RGS7: variants seen among roughly 807,000 people sequenced by gnomAD.
The protein encoded by RGS7 is regulator of G-protein signaling 7.
In RGS7, 27 loss-of-function variants were observed where a neutral mutation model predicts 81.1. The observed-to-expected ratio is 0.33, with a 90% CI of 0.25 to 0.46. RGS7 has a LOEUF of 0.46. Ranked by LOEUF, RGS7 falls within the 20% of genes least tolerant of loss-of-function variation. The pLI, the probability that RGS7 is intolerant of heterozygous loss-of-function variation, is 1.00. For synonymous variants in RGS7, 208 were observed against 207.7 expected (o/e 1.00, Z -0.01); for missense variants, 396 against 607.4 (o/e 0.65, Z 3.66).
chr1:241,096,031 C>T (rs1187727489), intron 3 of RGS7, among the ~76,000 whole-genome samples: 1 of 152,204 alleles, frequency 6.6e-6, no homozygotes, highest in Non-Finnish European at 1.5e-5. Context: ...CCGTGTGGAA[C>T]AGTCCATAGC....
At chr1:240,986,366 C>T (rs980172843) in intron 3 of RGS7, among the ~76,000 whole-genome samples, 8 of 152,094 alleles carry the variant, frequency 5.3e-5, no homozygotes, top group Non-Finnish European at 4.4e-5. Context: ...TCTCTTTTTC[C>T]TGTGGTGAAT....
intron 9 of RGS7, among the ~76,000 whole-genome samples, chr1:240,841,417 C>A (rs948830499): frequency 6.6e-6 from 1 of 152,194 alleles, no homozygotes; most frequent in Admixed American, 6.5e-5. Flanking sequence ...TCAGACAACA[C>A]AACTGAGCCA....
At chr1:240,784,198 C>CA (rs940673148) in intron 18 of RGS7, among the ~76,000 whole-genome samples, 8 of 116,472 alleles carry the variant, frequency 6.9e-5, no homozygotes, top group East Asian at 4.2e-4. Context: ...GAAAAAAAAA[C>CA]AAAAAAACAA....
At chr1:241,047,586 A>G (rs145626020) in intron 3 of RGS7, among the ~76,000 whole-genome samples, 121 of 152,288 alleles carry the variant, frequency 7.9e-4, no homozygotes, top group African/African-American at 2.8e-3. Context: ...TCAACAGGGA[A>G]CTTGACTTTC....
intron 3 of RGS7, among the ~76,000 whole-genome samples, chr1:241,049,969 G>A (rs900146424): frequency 3.4e-5 from 5 of 146,666 alleles, no homozygotes; most frequent in East Asian, 2.1e-4. Flanking sequence ...GAGTGCCCTC[G>A]GTACTTTTCT....
At chr1:241,229,283 C>T (rs1334014344) in intron 2 of RGS7, among the ~76,000 whole-genome samples, 1 of 152,160 alleles carries the variant, frequency 6.6e-6, no homozygotes, top group African/African-American at 2.4e-5. Context: ...TATATGCCAG[C>T]ACTTTGCAGC....
intron 2 of RGS7, among the ~76,000 whole-genome samples, chr1:241,106,752 C>CACACACACACACACACACA (rs1553421292): frequency 1.6e-5 from 2 of 121,684 alleles, no homozygotes; most frequent in Admixed American, 1.8e-4. Context: ...AACACCACCA[C>CACACACACACACACACACA]CACACACACA....
intron 14 of RGS7, among the ~76,000 whole-genome samples, chr1:240,807,949 C>T (rs950423412): frequency 3.3e-5 from 5 of 150,474 alleles, no homozygotes; most frequent in African/African-American, 4.9e-5. Flanking sequence ...GCACGAGAAT[C>T]GCTTGAACCC....
At chr1:241,251,936 C>T (rs1196535915) in intron 2 of RGS7, among the ~76,000 whole-genome samples, 1 of 152,136 alleles carries the variant, frequency 6.6e-6, no homozygotes, top group East Asian at 1.9e-4. Context: ...CGCAGCCACA[C>T]ACAGATTTGC....
chr1:240,962,536 G>A (rs766039276), intron 4 of RGS7, among the ~76,000 whole-genome samples: 3 of 152,122 alleles, frequency 2.0e-5, no homozygotes, highest in African/African-American at 7.2e-5. Context: ...TGCCAGCTCT[G>A]TCTATAGGAA....
rs1202393374 is a variant in RGS7 at position 241,163,144 on chromosome 1, G to A, written c.79-64382C>T. On this transcript the variant is annotated intron_variant, in intron 2 of 18. Coordinates refer to ENST00000440928, the MANE Select transcript of RGS7 (RefSeq NM_001364886.1). The surrounding 1 kb of genome is among the most constrained non-coding windows in gnomAD (Gnocchi z 4.6). ...CATTTGCGGCTTAACACAGCCAAAAGGTCAGAAAGGGGGTTCATTCGAGGG... is the reference window on the plus strand; with the variant it reads ...CATTTGCGGCTTAACACAGCCAAAAAGTCAGAAAGGGGGTTCATTCGAGGG... 6.6e-6 allele frequency among the ~76,000 whole-genome samples: 1 copy of A among 152,124 alleles called. No individual in the cohort carries two copies. Among genetic ancestry groups the A allele is most frequent in the East Asian group, 1.9e-4 (1 of 5,178 alleles).
intron 9 of RGS7, among the ~76,000 whole-genome samples, chr1:240,848,408 C>T (rs1263962691): frequency 1.3e-5 from 2 of 151,868 alleles, no homozygotes; most frequent in African/African-American, 4.8e-5. Context: ...CTGATAAATG[C>T]TAATAGATAA....
At chr1:240,990,452 T>C (rs1156706503) in intron 3 of RGS7, among the ~76,000 whole-genome samples, 4 of 152,230 alleles carry the variant, frequency 2.6e-5, no homozygotes, top group Admixed American at 6.5e-5. Flanking sequence ...ATTGTTTTTG[T>C]GTATGTGAAT....
At chr1:241,089,621 TATA>T (rs990019386) in intron 3 of RGS7, among the ~76,000 whole-genome samples, 33 of 152,142 alleles carry the variant, frequency 2.2e-4, no homozygotes, top group South Asian at 4.1e-4. Flanking sequence ...GTATAACAAA[TATA>T]ATAACTAAAC....
At chr1:241,079,251 C>T (rs569037786) in intron 3 of RGS7, among the ~76,000 whole-genome samples, 1 of 152,208 alleles carries the variant, frequency 6.6e-6, no homozygotes, top group African/African-American at 2.4e-5. Flanking sequence ...TGTGGATGCA[C>T]CTGAGTGCTG....
intron 3 of RGS7, among the ~76,000 whole-genome samples, chr1:241,077,184 C>T (rs991463980): frequency 6.6e-6 from 1 of 152,096 alleles, no homozygotes; most frequent in Non-Finnish European, 1.5e-5. Context: ...AAACAGCTAG[C>T]CCAAATATTC....
intron 2 of RGS7, among the ~76,000 whole-genome samples, chr1:241,246,648 A>C (rs2076565497): frequency 1.3e-5 from 2 of 152,250 alleles, no homozygotes; most frequent in East Asian, 3.9e-4. Flanking sequence ...GGGGTAGGCA[A>C]AGTGGATTCT....
intron 3 of RGS7, among the ~76,000 whole-genome samples, chr1:241,018,444 T>C (rs1454821411): frequency 6.6e-6 from 1 of 152,198 alleles, no homozygotes; most frequent in African/African-American, 2.4e-5. Context: ...GGGTCATGTC[T>C]AATGTTTGTT....
At chr1:241,143,089 T>C (rs2068049919) in intron 2 of RGS7, among the ~76,000 whole-genome samples, 1 of 152,242 alleles carries the variant, frequency 6.6e-6, no homozygotes, top group Non-Finnish European at 1.5e-5. Flanking sequence ...CATCTCCATC[T>C]GAGACCACCT....
Sources: allele counts gnomAD v4.1 joint callset (sites outside exome capture counted in the v4.1 genomes callset), GRCh38; gene constraint gnomAD v4.1.1; non-coding constraint Gnocchi (gnomAD v3.1); transcripts MANE v1.5; gene names NCBI Gene and HGNC (gene_info 2026-07-23, HGNC 2026-07-21).